Variants in RIMS2 observed in about 807,000 individuals in gnomAD.
RIMS2 encodes regulating synaptic membrane exocytosis 2, also known as regulating synaptic membrane exocytosis protein 2.
In RIMS2, 59 loss-of-function variants were observed where a neutral mutation model predicts 174.4. The ratio of observed to expected loss-of-function variants is 0.34; its 90% CI spans 0.27 to 0.42. The LOEUF (loss-of-function observed/expected upper bound fraction) is 0.42. Among genes scored for constraint, RIMS2 ranks in the 10% least tolerant of loss-of-function variants. RIMS2 has a pLI of 1.00. For synonymous variants in RIMS2, 606 were observed against 572.5 expected (o/e 1.06, Z -0.84); for missense variants, 1,620 against 1,666.3 (o/e 0.97, Z 0.48).
intron 3 of RIMS2, among the ~76,000 whole-genome samples, chr8:103,848,635 A>G (rs1247799672): frequency 6.6e-6 from 1 of 152,030 alleles, no homozygotes; most frequent in Non-Finnish European, 1.5e-5. Context: ...CCACTTTGAC[A>G]GTATGCTCTA....
intron 19 of RIMS2, among the ~76,000 whole-genome samples, chr8:104,078,322 A>G (rs1033930305): frequency 3.3e-5 from 5 of 152,202 alleles, no homozygotes; most frequent in African/African-American, 9.7e-5. Flanking sequence ...ACAAAATACC[A>G]TAGAAGGGGT....
intron 4 of RIMS2, among the ~76,000 whole-genome samples, chr8:103,889,580 G>A (rs2099229484): frequency 6.6e-6 from 1 of 151,404 alleles, no homozygotes; most frequent in South Asian, 2.1e-4. Context: ...ATCTTTCCTG[G>A]TCTATAAATA....
At chr8:104,107,976 C>CT (rs1555232772) in intron 19 of RIMS2, among the ~76,000 whole-genome samples, 2 of 151,216 alleles carry the variant, frequency 1.3e-5, no homozygotes, top group South Asian at 4.2e-4. Flanking sequence ...TGCCCCCCCC[C>CT]CACAATGGAA....
intron 3 of RIMS2, chr8:103,880,633 T>C: frequency 3.9e-6 from 2 of 516,118 alleles, no homozygotes; most frequent in South Asian, 3.3e-5. Context: ...ACACTGTTGA[T>C]GTATTTTTGT....
intron 4 of RIMS2, among the ~76,000 whole-genome samples, chr8:103,903,911 C>T (rs994251637): frequency 2.6e-5 from 4 of 152,152 alleles, no homozygotes; most frequent in Middle Eastern, 3.4e-3. Context: ...TATGCTTCAC[C>T]GAGTTTCCTC....
intron 1 of RIMS2, among the ~76,000 whole-genome samples, chr8:103,584,565 A>C (rs10104897): frequency 0.18 from 27,831 of 152,154 alleles, 2,797 homozygotes; most frequent in African/African-American, 0.26. Context: ...ATTTATGAAA[A>C]AAGAAAAATT....
chr8:103,803,770 A>G (rs1473916215), intron 3 of RIMS2, among the ~76,000 whole-genome samples: 2 of 152,204 alleles, frequency 1.3e-5, no homozygotes, highest in Middle Eastern at 3.2e-3. Context: ...GCTGTGAGAG[A>G]GCCATGTGTC....
intron 2 of RIMS2, among the ~76,000 whole-genome samples, chr8:103,713,535 A>T (rs1171873787): frequency 6.6e-6 from 1 of 151,886 alleles, no homozygotes; most frequent in Non-Finnish European, 1.5e-5. Flanking sequence ...CTTTCCCCAA[A>T]TTTTTTTGAT....
intron 1 of RIMS2, among the ~76,000 whole-genome samples, chr8:103,692,610 A>T (rs2097044868): frequency 6.6e-6 from 1 of 152,200 alleles, no homozygotes; most frequent in Admixed American, 6.5e-5. Flanking sequence ...CAGCTGATGA[A>T]TCCTGCTAGG....
chr8:103,993,029 G>A (rs1284136674), intron 17 of RIMS2, among the ~76,000 whole-genome samples: 1 of 152,148 alleles, frequency 6.6e-6, no homozygotes, highest in Admixed American at 6.5e-5. Flanking sequence ...CAGGAGAATC[G>A]CTTGAACCCG....
chr8:104,015,292 T>C, intron 19 of RIMS2: 1 of 475,892 alleles, frequency 2.1e-6, no homozygotes, highest in Non-Finnish European at 3.7e-6. Flanking sequence ...GTTTAAATCA[T>C]TTAACTTTTC....
intron 19 of RIMS2, 138 bp from the exon 26 acceptor site, chr8:104,244,778 C>T (rs2099321488): frequency 3.0e-6 from 2 of 659,604 alleles, no homozygotes; most frequent in East Asian, 2.6e-5. Flanking sequence ...TTTTAAATAC[C>T]TTTTCTTTCT....
At chr8:104,188,101 G>C (rs1028878767) in intron 19 of RIMS2, among the ~76,000 whole-genome samples, 3 of 151,670 alleles carry the variant, frequency 2.0e-5, no homozygotes, top group Non-Finnish European at 4.4e-5. Flanking sequence ...CTAACACTTT[G>C]TTCAATAGGA....
chr8:103,978,629 A>C (rs72683115), intron 16 of RIMS2, among the ~76,000 whole-genome samples: 19,321 of 152,262 alleles, frequency 0.13, 1,697 homozygotes, highest in Non-Finnish European at 0.19. Flanking sequence ...AAAAACTAAT[A>C]AAAATACCTG....
chr8:103,844,476 G>A (rs889135083), intron 3 of RIMS2, among the ~76,000 whole-genome samples: 3 of 152,092 alleles, frequency 2.0e-5, no homozygotes, highest in Admixed American at 6.5e-5. Context: ...GACTGTTGAA[G>A]GTTGGTTATG....
intron 1 of RIMS2, among the ~76,000 whole-genome samples, chr8:103,622,441 G>C (rs543470216): frequency 1.3e-5 from 2 of 152,114 alleles, no homozygotes; most frequent in East Asian, 1.9e-4. Context: ...ATTTCAATGA[G>C]AGTGTCAAGA....
chr8:103,918,887 A>C (rs1231558586), intron 9 of RIMS2, among the ~76,000 whole-genome samples: 2 of 152,142 alleles, frequency 1.3e-5, no homozygotes, highest in African/African-American at 4.8e-5. Flanking sequence ...AAAATTTGCT[A>C]TTTGTAACCT....
At chr8:104,055,826 C>T (rs907079424) in intron 19 of RIMS2, among the ~76,000 whole-genome samples, 14 of 152,156 alleles carry the variant, frequency 9.2e-5, no homozygotes, top group Non-Finnish European at 1.9e-4. Flanking sequence ...ATGAATTTCT[C>T]AATATAGTCA....
intron 17 of RIMS2, among the ~76,000 whole-genome samples, chr8:104,001,735 AT>A (rs2095397826): frequency 6.6e-6 from 1 of 151,666 alleles, no homozygotes; most frequent in Admixed American, 6.6e-5. Context: ...TTTTTTGGAC[AT>A]TTGTTGAACA....
Sources: gnomAD v4.1 joint callset for allele counts (sites outside exome capture counted in the v4.1 genomes callset) on GRCh38, gnomAD v4.1.1 for gene constraint, MANE v1.5 for transcripts, NCBI Gene and HGNC (gene_info 2026-07-23, HGNC 2026-07-21) for gene names.